The following CPM variants were observed in gnomAD, a reference collection of about 807,000 sequenced individuals.
The protein encoded by CPM is renal carboxypeptidase.
A neutral mutation model predicts 46.4 loss-of-function variants in CPM; 35 were observed. That is an observed-to-expected ratio of 0.75 (90% CI 0.58 to 1.00). The LOEUF is 1.00. Ranked by LOEUF, CPM falls within the 50% of genes least tolerant of loss-of-function variation. The pLI, the probability that CPM is intolerant of heterozygous loss-of-function variation, is 0.00. For missense variants in CPM, 422 were observed against 530.4 expected (o/e 0.80, Z 2.01); for synonymous variants, 195 against 195.3 (o/e 1.00, Z 0.01).
At chr12:68,925,032 G>A (rs112943533) in intron 2 of CPM, among the ~76,000 whole-genome samples, 59 of 152,242 alleles carry the variant, frequency 3.9e-4, no homozygotes, top group Non-Finnish European at 5.6e-4. Flanking sequence ...AGTTCTTAGG[G>A]AAAGGGGCAA....
At chr12:68,844,970 G>A (rs1394232044) in intron 5 of CPM, 3 of 193,486 alleles carry the variant, frequency 1.6e-5, no homozygotes, top group Non-Finnish European at 3.2e-5. Flanking sequence ...GTTTCACTAT[G>A]TTGGCCAGGC....
Position 68,961,626 on chromosome 12 carries a change from T to C in CPM, c.-4+1543A>G, listed in dbSNP as rs535236693. On this transcript the variant is annotated intron_variant, in intron 1 of 8. Coordinates refer to the CPM transcript ENST00000546373. Reference sequence around the variant, plus strand: ...TTATTTTAAAAACAACTGTATAAGTTGAATGAGCCAGGCATGGTGGCTCGC... The same window carrying C: ...TTATTTTAAAAACAACTGTATAAGTCGAATGAGCCAGGCATGGTGGCTCGC... 1.1e-4 allele frequency among the ~76,000 whole-genome samples: 17 copies of C among 152,210 alleles called. No homozygotes were observed. The South Asian group carries it at 3.1e-3, about 28-fold the overall frequency.
chr12:68,931,208 A>G (rs1280863143), intron 2 of CPM, among the ~76,000 whole-genome samples: 1 of 152,198 alleles, frequency 6.6e-6, no homozygotes, highest in Non-Finnish European at 1.5e-5. Context: ...ACATTTATAT[A>G]ATACTTTTTC....
intron 1 of CPM, among the ~76,000 whole-genome samples, chr12:68,953,756 C>T (rs1008295226): frequency 6.6e-6 from 1 of 152,220 alleles, no homozygotes; most frequent in Non-Finnish European, 1.5e-5. Context: ...CTTCTGTTTA[C>T]TATCTGCTCA....
chr12:68,846,627 CT>C (rs1187516971), downstream of CPM: 19 of 152,114 alleles, frequency 1.2e-4, no homozygotes, highest in Admixed American at 1.2e-3. Flanking sequence ...TGTTGCTTCC[CT>C]GATTTAAATA....
intron 3 of CPM, 78 bp from the exon 4 acceptor site, chr12:68,872,034 C>T (rs1885723702): frequency 7.0e-7 from 1 of 1,433,518 alleles, no homozygotes; most frequent in Non-Finnish European, 9.7e-7. Context: ...TACAAATTCC[C>T]CAATAGGGGT....
intron 2 of CPM, among the ~76,000 whole-genome samples, chr12:68,906,176 A>G (rs1312714269): frequency 6.6e-6 from 1 of 152,204 alleles, no homozygotes; most frequent in East Asian, 1.9e-4. Context: ...TATTAAGCAC[A>G]TCAACAGCAG....
chr12:68,907,849 G>A (rs1366230879), intron 2 of CPM, among the ~76,000 whole-genome samples: 1 of 136,570 alleles, frequency 7.3e-6, no homozygotes, highest in Admixed American at 7.5e-5. Context: ...TTATTTTTGA[G>A]ATGGAGTCTC....
At chr12:68,943,825 C>A (rs1032017333) in intron 1 of CPM, among the ~76,000 whole-genome samples, 1 of 151,556 alleles carries the variant, frequency 6.6e-6, no homozygotes, top group African/African-American at 2.4e-5. Flanking sequence ...AAATTTATTT[C>A]TTTTCTAGCT....
chr12:68,931,752 AAAAAAAAAAAAAAAGAAAG>A lies in CPM; in HGVS notation c.160+907_160+925del, dbSNP rs942329989. 5.4e-5 allele frequency among the ~76,000 whole-genome samples: 8 copies of A among 147,470 alleles called. 1 individual carries two copies. Among genetic ancestry groups the A allele is most frequent in the African/African-American group, 1.8e-4 (7 of 38,926 alleles). On this transcript the variant is annotated intron_variant, in intron 2 of 8. Coordinates refer to ENST00000551568, the MANE Select transcript of CPM (RefSeq NM_198320.5). The stretch of plus-strand genomic sequence containing the variant: ...CAGAGCGAGACTCTGACCAAAAAAA[AAAAAAAAAAAAAAAGAAAG>A]AAAGAAAGAAAGAAAGAAAGATGAA...
chr12:68,849,957 T>G (rs1345650590), downstream of CPM: 1 of 151,786 alleles, frequency 6.6e-6, no homozygotes, highest in East Asian at 2.0e-4. Context: ...AGCAGAGAAA[T>G]AATAGTTCTA....
At chr12:68,960,067 C>T (rs748529415) in intron 1 of CPM, among the ~76,000 whole-genome samples, 1 of 152,144 alleles carries the variant, frequency 6.6e-6, no homozygotes, top group Admixed American at 6.5e-5. Flanking sequence ...CTTTTTATGG[C>T]TTTTGAGACC....
intron 7 of CPM, among the ~76,000 whole-genome samples, chr12:68,861,607 G>C (rs1474373807): frequency 6.6e-6 from 1 of 151,178 alleles, no homozygotes; most frequent in East Asian, 1.9e-4. Flanking sequence ...TCAGCTCACT[G>C]CAACCTCTGC....
At chr12:68,847,608 C>T (rs577791118), downstream of CPM, 1 of 151,498 alleles carries the variant, frequency 6.6e-6, no homozygotes, top group African/African-American at 2.4e-5. Context: ...CGCCCGCCAC[C>T]GCGCCTGGCT....
chr12:68,929,408 G>A (rs1208189110), intron 2 of CPM, among the ~76,000 whole-genome samples: 3 of 152,120 alleles, frequency 2.0e-5, no homozygotes, highest in East Asian at 1.9e-4. Flanking sequence ...TTAATTGAAC[G>A]GAGGATTGAA....
chr12:68,895,327 A>G (rs1468709665), intron 2 of CPM, among the ~76,000 whole-genome samples: 1 of 152,150 alleles, frequency 6.6e-6, no homozygotes, highest in East Asian at 1.9e-4. Flanking sequence ...ATGATTTGCC[A>G]TCTCCTTTCC....
intron 1 of CPM, among the ~76,000 whole-genome samples, chr12:68,960,372 A>G (rs1159021414): frequency 1.3e-5 from 2 of 152,344 alleles, no homozygotes; most frequent in Non-Finnish European, 2.9e-5. Flanking sequence ...TGAGAAAATT[A>G]TATCCGTCTT....
chr12:68,903,882 C>T (rs1442686310), intron 2 of CPM, among the ~76,000 whole-genome samples: 1 of 147,392 alleles, frequency 6.8e-6, no homozygotes, highest in East Asian at 2.1e-4. Context: ...TTCTCTCATT[C>T]TTTCTTTCTT....
chr12:68,928,571 A>C (rs1004836996), intron 2 of CPM, among the ~76,000 whole-genome samples: 3 of 152,186 alleles, frequency 2.0e-5, no homozygotes, highest in African/African-American at 7.2e-5. Flanking sequence ...GATCGAAATA[A>C]TGTCTTAAAC....
Sources: gnomAD v4.1 joint callset for allele counts (sites outside exome capture counted in the v4.1 genomes callset) on GRCh38, gnomAD v4.1.1 for gene constraint, MANE v1.5 for transcripts, NCBI Gene and HGNC (gene_info 2026-07-23, HGNC 2026-07-21) for gene names.